The following MBP variants were observed in gnomAD, a reference collection of about 807,000 sequenced individuals.
MBP encodes myelin basic protein.
A neutral mutation model predicts 35.8 loss-of-function variants in MBP; 16 were observed. That is an observed-to-expected ratio of 0.45 (90% CI 0.30 to 0.68). The LOEUF is 0.68. MBP is among the 30% of genes least tolerant of loss of function. The pLI, the probability that MBP is intolerant of heterozygous loss-of-function variation, is 0.08. For missense variants in MBP, 380 were observed against 404.7 expected (o/e 0.94, Z 0.52); for synonymous variants, 143 against 159.6 (o/e 0.90, Z 0.78).
intron 3 of MBP, among the ~76,000 whole-genome samples, chr18:77,063,541 G>T (rs1008549311): frequency 6.6e-6 from 1 of 152,190 alleles, no homozygotes; most frequent in African/African-American, 2.4e-5. Flanking sequence ...GGGCAGAAAG[G>T]CTTGGAATGT....
At chr18:77,016,234 G>T in intron 4 of MBP, 1 of 984,580 alleles carries the variant, frequency 1.0e-6, no homozygotes, top group Non-Finnish European at 1.2e-6. Flanking sequence ...CAAATTAATG[G>T]AATCACAAGA....
chr18:76,982,234 G>C (rs1599451615), intron 8 of MBP: 3 of 152,292 alleles, frequency 2.0e-5, no homozygotes, highest in Non-Finnish European at 4.4e-5. Context: ...CTGCATGGAT[G>C]CAACAGTCAC....
chr18:77,061,000 G>T (rs572743196), intron 3 of MBP, among the ~76,000 whole-genome samples: 2 of 152,250 alleles, frequency 1.3e-5, no homozygotes, highest in African/African-American at 4.8e-5. Context: ...ACTCCTCCTG[G>T]GCCTTTCTCA....
At chr18:77,061,086 G>C (rs1466593305) in intron 3 of MBP, among the ~76,000 whole-genome samples, 1 of 152,224 alleles carries the variant, frequency 6.6e-6, no homozygotes, top group African/African-American at 2.4e-5. Context: ...CCAAGTTCTT[G>C]TAATTCTGTC....
intron 3 of MBP, among the ~76,000 whole-genome samples, chr18:77,058,985 A>C (rs1973853842): frequency 1.4e-5 from 2 of 143,658 alleles, no homozygotes; most frequent in Non-Finnish European, 3.0e-5. Flanking sequence ...CAACCCCCTG[A>C]GGCTGCCCCA....
At chr18:76,998,936 C>A (rs1970478472) in intron 4 of MBP, among the ~76,000 whole-genome samples, 2 of 151,314 alleles carry the variant, frequency 1.3e-5, no homozygotes, top group South Asian at 4.2e-4. Context: ...GTGATAGATG[C>A]AAGGTGTCAG....
At chr18:77,083,432 G>A (rs1975061960) in intron 2 of MBP, among the ~76,000 whole-genome samples, 1 of 152,172 alleles carries the variant, frequency 6.6e-6, no homozygotes, top group Non-Finnish European at 1.5e-5. Flanking sequence ...GAAAACACAG[G>A]AAGCACTTTT....
intron 2 of MBP, among the ~76,000 whole-genome samples, chr18:77,083,182 G>C (rs958584732): frequency 6.6e-6 from 1 of 152,088 alleles, no homozygotes; most frequent in Non-Finnish European, 1.5e-5. Context: ...GGCCAGGCTG[G>C]TCTTGAACTC....
chr18:77,098,224 C>A (rs1215865287), intron 2 of MBP, among the ~76,000 whole-genome samples: 2 of 132,160 alleles, frequency 1.5e-5, no homozygotes, highest in Non-Finnish European at 3.1e-5. Flanking sequence ...TTAGTAACAC[C>A]AAACAACACA....
At chr18:77,075,205 T>C (rs1424498111) in intron 2 of MBP, among the ~76,000 whole-genome samples, 1 of 152,242 alleles carries the variant, frequency 6.6e-6, no homozygotes, top group Non-Finnish European at 1.5e-5. Context: ...GGAATCACTT[T>C]CTGGAGATGC....
At chr18:77,062,794 C>T (rs1419280282) in intron 3 of MBP, among the ~76,000 whole-genome samples, 1 of 152,196 alleles carries the variant, frequency 6.6e-6, no homozygotes, top group African/African-American at 2.4e-5. Context: ...TCTCAATGCG[C>T]CAATCAGTCT....
At chr18:77,125,386 CA>C (rs1977015569) in intron 1 of MBP, among the ~76,000 whole-genome samples, 1 of 151,826 alleles carries the variant, frequency 6.6e-6, no homozygotes, top group South Asian at 2.1e-4. Flanking sequence ...TCCTTTTCAT[CA>C]AAAAAAGTAA....
intron 3 of MBP, among the ~76,000 whole-genome samples, chr18:77,048,947 T>G (rs1327454342): frequency 6.6e-6 from 1 of 151,250 alleles, no homozygotes; most frequent in Non-Finnish European, 1.5e-5. Context: ...TGATATGGAG[T>G]CTCGCTCTGT....
chr18:77,061,559 CT>C (rs1467041068), intron 3 of MBP, among the ~76,000 whole-genome samples: 2 of 152,158 alleles, frequency 1.3e-5, no homozygotes, highest in African/African-American at 4.8e-5. Flanking sequence ...GCTCTACCAC[CT>C]GCTGTGTAAA....
intron 4 of MBP, chr18:77,009,840 G>T (rs1173743116): frequency 1.9e-6 from 3 of 1,574,112 alleles, no homozygotes; most frequent in East Asian, 4.7e-5. Context: ...GGACCCGCCG[G>T]CGTCTTACCT....
chr18:77,110,270 T>G (rs1400362958), intron 1 of MBP: 2 of 152,110 alleles, frequency 1.3e-5, no homozygotes, highest in Non-Finnish European at 2.9e-5. Context: ...AAGTGTGCAG[T>G]GGTGAGGGTC....
chr18:77,106,526 A>G (rs1976283852), intron 1 of MBP, among the ~76,000 whole-genome samples: 1 of 151,882 alleles, frequency 6.6e-6, no homozygotes, highest in Admixed American at 6.6e-5. Flanking sequence ...CAGACTGGAA[A>G]CCCCACCCAC....
intron 3 of MBP, among the ~76,000 whole-genome samples, chr18:77,062,856 G>A (rs973828661): frequency 2.0e-5 from 3 of 152,188 alleles, no homozygotes; most frequent in African/African-American, 4.8e-5. Flanking sequence ...GCCTTTCGAC[G>A]TTCACAGAGA....
chr18:77,090,192 C>A (rs1192024654), intron 2 of MBP, among the ~76,000 whole-genome samples: 2 of 152,206 alleles, frequency 1.3e-5, no homozygotes, highest in Admixed American at 6.5e-5. Context: ...TAATGTCTAG[C>A]CCCCGTTGCC....
Sources: allele counts gnomAD v4.1 joint callset (sites outside exome capture counted in the v4.1 genomes callset), GRCh38; gene constraint gnomAD v4.1.1; transcripts MANE v1.5; gene names NCBI Gene and HGNC (gene_info 2026-07-23, HGNC 2026-07-21).